The following NALCN variants were observed in gnomAD, a reference collection of about 807,000 sequenced individuals.
NALCN encodes the protein sodium leak channel, non-selective.
NALCN carries 111 observed loss-of-function variants against 225.3 expected under a neutral mutation model. The observed-to-expected ratio is 0.49, with a 90% CI of 0.42 to 0.58. The LOEUF is 0.58. Among genes scored for constraint, NALCN ranks in the 20% least tolerant of loss-of-function variants. The pLI is 0.00. For synonymous variants in NALCN, 764 were observed against 769.0 expected, an observed-to-expected ratio of 0.99 and a Z score of 0.11; for missense variants, 1,378 against 2,202.4, an observed-to-expected ratio of 0.63 and a Z score of 7.49.
At chr13:101,316,146 A>C (rs1003202745) in intron 7 of NALCN, among the ~76,000 whole-genome samples, 1 of 152,102 alleles carries the variant, frequency 6.6e-6, no homozygotes, top group Non-Finnish European at 1.5e-5. Context: ...ATCCACTCTT[A>C]AAGTGTACAA....
chr13:101,264,581 A>G (rs560587808), intron 10 of NALCN, among the ~76,000 whole-genome samples: 1 of 152,308 alleles, frequency 6.6e-6, no homozygotes, highest in African/African-American at 2.4e-5. Context: ...CAGAATCTGT[A>G]TCTTTAACAC....
intron 17 of NALCN, among the ~76,000 whole-genome samples, chr13:101,133,208 C>T (rs183101644): frequency 3.9e-5 from 6 of 152,278 alleles, no homozygotes; most frequent in African/African-American, 1.4e-4. Context: ...AAACCACCTT[C>T]AGAATGAAGC....
At chr13:101,176,765 C>G (rs905449247) in intron 14 of NALCN, among the ~76,000 whole-genome samples, 3 of 152,122 alleles carry the variant, frequency 2.0e-5, no homozygotes, top group African/African-American at 4.8e-5. Flanking sequence ...GAAATAACAT[C>G]CAACTTTGCA....
intron 3 of NALCN, among the ~76,000 whole-genome samples, chr13:101,379,512 A>G (rs1355892418): frequency 2.0e-5 from 3 of 152,164 alleles, no homozygotes; most frequent in Non-Finnish European, 2.9e-5. Flanking sequence ...GTGGCCCAAT[A>G]TACTATGGAA....
intron 11 of NALCN, among the ~76,000 whole-genome samples, chr13:101,238,959 A>C (rs913147109): frequency 1.3e-5 from 2 of 151,938 alleles, no homozygotes; most frequent in African/African-American, 4.8e-5. Flanking sequence ...TCACTTCTCA[A>C]ATCTACCATT....
intron 10 of NALCN, among the ~76,000 whole-genome samples, chr13:101,282,471 A>AGAGAG (rs1015106019): frequency 6.6e-6 from 1 of 152,190 alleles, no homozygotes; most frequent in African/African-American, 2.4e-5. Context: ...TCATTGAAGC[A>AGAGAG]GAGAGTAGGA....
At chr13:101,218,214 A>G (rs2040813157) in intron 13 of NALCN, among the ~76,000 whole-genome samples, 1 of 152,162 alleles carries the variant, frequency 6.6e-6, no homozygotes, top group Non-Finnish European at 1.5e-5. Context: ...AAGCCTGGAA[A>G]TGTCACATCC....
chr13:101,199,181 C>T (rs536405973), intron 13 of NALCN, among the ~76,000 whole-genome samples: 1 of 151,566 alleles, frequency 6.6e-6, no homozygotes, highest in Non-Finnish European at 1.5e-5. Context: ...GGAGATATAG[C>T]TAATGTAAAT....
chr13:101,348,564 C>T lies in NALCN; in HGVS notation c.645-3144G>A, dbSNP rs138541737. Among the ~76,000 whole-genome samples, 57 of 152,050 alleles carry T rather than the reference C, an allele frequency of 3.7e-4. 1 individual carries two copies. The Middle Eastern group carries it at 0.014, about 36-fold the overall frequency. On this transcript the variant is annotated intron_variant, in intron 6 of 43. Transcript: ENST00000251127. ...ATAATGTGCAACACTCAGAATGGTGCCAAAAATAAGTTAATCACTCAACTG... is the reference window on the plus strand; with the variant it reads ...ATAATGTGCAACACTCAGAATGGTGTCAAAAATAAGTTAATCACTCAACTG...
chr13:101,346,087 C>CTCTCTCTCTCTCTATATATA, intron 6 of NALCN, among the ~76,000 whole-genome samples: 207 of 70,904 alleles, frequency 2.9e-3, no homozygotes, highest in Non-Finnish European at 3.4e-3. Flanking sequence ...CTCTCTCTCT[C>CTCTCTCTCTCTCTATATATA]TATATATATA....
Position 101,378,629 on chromosome 13 carries a change from G to C in NALCN, c.316C>G (p.Arg106Gly). Residue 106 changes from arginine to glycine, a missense_variant, in exon 4 of 44, where the codon CGC (arginine) becomes GGC (glycine). Transcript: ENST00000251127. ...ATAAATCCATCAAAAACACACCAGC[G>C]ATCTTTCACATAGGAACTATCCCCC... ...VKGDSSYVKD[R>G]WCVFDGFMVF... is the part of the protein sequence containing the mutation. The C allele has an allele frequency of 6.2e-7, 1 of 1,609,964 alleles. No individual in the cohort carries two copies. Among genetic ancestry groups the C allele is most frequent in the Non-Finnish European group, 8.5e-7 (1 of 1,177,714 alleles).
intron 6 of NALCN, among the ~76,000 whole-genome samples, chr13:101,372,675 AGCTAAAACAGTGCTTAGAG>A (rs2046573578): frequency 6.6e-6 from 1 of 152,158 alleles, no homozygotes; most frequent in Non-Finnish European, 1.5e-5. Context: ...TTGGAAATGC[AGCTAAAACAGTGCTTAGAG>A]GCTAAAACAG....
intron 36 of NALCN, among the ~76,000 whole-genome samples, chr13:101,073,938 AG>A (rs1169024597): frequency 6.6e-6 from 1 of 152,152 alleles, no homozygotes; most frequent in Non-Finnish European, 1.5e-5. Context: ...TTGGCAACTA[AG>A]TGATTCCTTC....
intron 7 of NALCN, among the ~76,000 whole-genome samples, chr13:101,337,320 AT>A (rs1287078001): frequency 1.5e-5 from 2 of 135,362 alleles, no homozygotes; most frequent in South Asian, 4.7e-4. Context: ...TTATTTATTT[AT>A]TTTTTGAGAC....
intron 2 of NALCN, among the ~76,000 whole-genome samples, chr13:101,397,103 T>TATATATAC (rs1222932102): frequency 1.5e-5 from 1 of 68,906 alleles, no homozygotes; most frequent in Non-Finnish European, 2.3e-5. Flanking sequence ...TATATATATA[T>TATATATAC]ATATATACAT....
chr13:101,416,015 G>A (rs1184375882), intron 1 of NALCN, among the ~76,000 whole-genome samples: 2 of 152,112 alleles, frequency 1.3e-5, no homozygotes, highest in South Asian at 4.1e-4. Flanking sequence ...TCCCGCGGCA[G>A]GCGCCCCCGA....
chr13:101,095,028 C>G (rs57584464), intron 28 of NALCN, among the ~76,000 whole-genome samples: 2,594 of 152,200 alleles, frequency 0.017, 71 homozygotes, highest in African/African-American at 0.06. Context: ...GTATTTCTAG[C>G]TTTGATCTAA....
At chr13:101,278,457 A>C (rs892290691) in intron 10 of NALCN, among the ~76,000 whole-genome samples, 2 of 137,784 alleles carry the variant, frequency 1.5e-5, no homozygotes, top group Non-Finnish European at 3.0e-5. Context: ...TGGGAGGCGG[A>C]GGTTGCAATG....
At chr13:101,272,286 C>T (rs1355258807) in intron 10 of NALCN, among the ~76,000 whole-genome samples, 1 of 147,054 alleles carries the variant, frequency 6.8e-6, no homozygotes, top group East Asian at 1.9e-4. Flanking sequence ...GACTGTGTGT[C>T]TCTGTTTGCG....
Sources: allele counts gnomAD v4.1 joint callset (sites outside exome capture counted in the v4.1 genomes callset), GRCh38; gene constraint gnomAD v4.1.1; transcripts MANE v1.5; gene names NCBI Gene and HGNC (gene_info 2026-07-23, HGNC 2026-07-21).